SLIT1: variants seen among roughly 807,000 people sequenced by gnomAD.
SLIT1 encodes the protein slit guidance ligand 1.
A neutral mutation model predicts 186.1 loss-of-function variants in SLIT1; 66 were observed. The ratio of observed to expected loss-of-function variants is 0.35; its 90% CI spans 0.29 to 0.44. The LOEUF is 0.44. Among genes scored for constraint, SLIT1 ranks in the 20% least tolerant of loss-of-function variants. The pLI is 1.00. For synonymous variants in SLIT1, 761 were observed against 833.8 expected (o/e 0.91, Z 1.50); for missense variants, 1,638 against 2,037.4 (o/e 0.80, Z 3.77).
At chr10:97,142,718 T>C (rs1397728603) in intron 4 of SLIT1, among the ~76,000 whole-genome samples, 5 of 152,170 alleles carry the variant, frequency 3.3e-5, no homozygotes, top group African/African-American at 1.2e-4. Flanking sequence ...AAATCATATC[T>C]CTGATAAGGG....
chr10:97,119,285 C>G (rs1192598523), intron 4 of SLIT1, among the ~76,000 whole-genome samples: 1 of 152,204 alleles, frequency 6.6e-6, no homozygotes, highest in African/African-American at 2.4e-5. Flanking sequence ...GGCAGATCCC[C>G]CTTCCCCGAT....
chr10:97,056,762 G>C (rs2805595), intron 12 of SLIT1, among the ~76,000 whole-genome samples: 2 of 85,180 alleles, frequency 2.3e-5, no homozygotes, highest in East Asian at 5.0e-4. Flanking sequence ...AGGCATTTTT[G>C]GGGGGGGCTC....
At chr10:97,177,041 T>C (rs893563473) in intron 1 of SLIT1, among the ~76,000 whole-genome samples, 2 of 152,208 alleles carry the variant, frequency 1.3e-5, no homozygotes, top group African/African-American at 4.8e-5. Flanking sequence ...ATCGCCTTGC[T>C]GAAGAGCTAC....
intron 4 of SLIT1, among the ~76,000 whole-genome samples, chr10:97,132,131 A>C (rs1253220981): frequency 6.6e-6 from 1 of 152,138 alleles, no homozygotes; most frequent in Non-Finnish European, 1.5e-5. Context: ...GGGGTGTCCA[A>C]ACTCCTGCAG....
intron 1 of SLIT1, among the ~76,000 whole-genome samples, chr10:97,176,313 G>GCCACGA (rs1850255144): frequency 2.0e-5 from 3 of 152,094 alleles, no homozygotes; most frequent in South Asian, 4.2e-4. Flanking sequence ...GGAGCTCTAA[G>GCCACGA]CCACGACCAC....
At chr10:97,158,190 G>C (rs1196106452) in intron 3 of SLIT1, among the ~76,000 whole-genome samples, 1 of 152,104 alleles carries the variant, frequency 6.6e-6, no homozygotes, top group African/African-American at 2.4e-5. Flanking sequence ...ACATTTGCAA[G>C]CCCTGTGTGG....
At chr10:97,051,790 C>T (rs182774257) in intron 13 of SLIT1, among the ~76,000 whole-genome samples, 66 of 140,530 alleles carry the variant, frequency 4.7e-4, no homozygotes, top group Admixed American at 2.6e-3. Flanking sequence ...CCAGCCTGGG[C>T]GACAGAGTGA....
chr10:97,046,657 G>A lies in SLIT1; in HGVS notation c.1850C>T (p.Thr617Ile). 1.2e-6 allele frequency: 2 copies of A among 1,606,676 alleles called. No homozygotes were observed. Among genetic ancestry groups the A allele is most frequent in the Non-Finnish European group, 1.7e-6 (2 of 1,179,518 alleles). The change falls in exon 18 of 37, where the codon ACC becomes ATC. Residue 617 changes from threonine to isoleucine, a missense_variant. Physicochemically the swap from Thr to Ile is moderately conservative, Grantham distance 89 (BLOSUM62 -1). Transcript: ENST00000266058. ...CTCCCCAGCCCTGCACACTCACAGG[G>A]TCCTCAAGCCATCCAGACCCCGGAA... ...GMFRGLDGLR[T>I]LMLRNNRISC...
In SLIT1 at chr10:97,127,133, A is replaced by AG. The variant is rs386372185; in HGVS notation, c.413+30684_413+30685insC. ...GTGAAACCCCGTCTCTACTAAAAAAAAAACAAAAAAAATTAGCCGGGCATG... is the reference window on the plus strand; with the variant it reads ...GTGAAACCCCGTCTCTACTAAAAAAAGAAACAAAAAAAATTAGCCGGGCATG... On this transcript the variant is annotated intron_variant, in intron 4 of 36. Transcript: ENST00000266058. 1.1e-4 allele frequency among the ~76,000 whole-genome samples: 16 copies of AG among 151,714 alleles called. No individual in the cohort carries two copies. In the East Asian group the frequency reaches 3.1e-3, roughly 29 times the overall value.
intron 4 of SLIT1, among the ~76,000 whole-genome samples, chr10:97,096,407 A>T (rs1238170567): frequency 3.3e-5 from 5 of 149,592 alleles, no homozygotes; most frequent in African/African-American, 1.2e-4. Context: ...TGTTCCCTCA[A>T]CCCCTCCTGC....
At chr10:97,124,356 AG>A (rs34378130) in intron 4 of SLIT1, among the ~76,000 whole-genome samples, 4 of 152,158 alleles carry the variant, frequency 2.6e-5, no homozygotes, top group Non-Finnish European at 5.9e-5. Flanking sequence ...GGCCCCAGGG[AG>A]GGGGGTCTGT....
intron 4 of SLIT1, among the ~76,000 whole-genome samples, chr10:97,140,776 C>A (rs1468932471): frequency 6.6e-6 from 1 of 152,178 alleles, no homozygotes; most frequent in Non-Finnish European, 1.5e-5. Flanking sequence ...CAGGGATAAA[C>A]CTCCTGTGTC....
intron 25 of SLIT1, among the ~76,000 whole-genome samples, chr10:97,029,793 C>T (rs2134607903): frequency 6.6e-6 from 1 of 152,312 alleles, no homozygotes; most frequent in Non-Finnish European, 1.5e-5. Flanking sequence ...CCCCATGGCC[C>T]CTGCCTCCAG....
At chr10:97,134,207 C>T (rs1238390694) in intron 4 of SLIT1, among the ~76,000 whole-genome samples, 2 of 152,152 alleles carry the variant, frequency 1.3e-5, no homozygotes, top group Non-Finnish European at 2.9e-5. Context: ...CTCACCCCAT[C>T]CTGTGCCACC....
At chr10:97,149,061 C>T (rs1303822761) in intron 4 of SLIT1, among the ~76,000 whole-genome samples, 1 of 152,242 alleles carries the variant, frequency 6.6e-6, no homozygotes, top group Non-Finnish European at 1.5e-5. Flanking sequence ...CGTGGCCCTC[C>T]TTCAGGCCCC....
rs1848541533 is a variant in SLIT1, at chr10:97,025,976, T to C, written c.2583-4563A>G. Among the ~76,000 whole-genome samples, 4 of 152,152 alleles carry C rather than the reference T, an allele frequency of 2.6e-5. No homozygotes were observed. In the South Asian group the frequency reaches 8.3e-4, roughly 32 times the overall value. The stretch of plus-strand genomic sequence containing the variant: ...CAGGCACCAGTCAATGTCTGGTGAA[T>C]GAATGAATGCCTGTCTAAAAGCATG... On this transcript the variant is annotated intron_variant, in intron 25 of 36. Coordinates refer to ENST00000266058, the MANE Select transcript of SLIT1 (RefSeq NM_003061.3).
chr10:97,123,789 GAAA>G (rs5787219), intron 4 of SLIT1, among the ~76,000 whole-genome samples: 1 of 134,528 alleles, frequency 7.4e-6, no homozygotes, highest in Non-Finnish European at 1.6e-5. Context: ...GACTCTGTCT[GAAA>G]AAAAAAAAAA....
At chr10:97,015,888 A>C (rs1421958144) in intron 28 of SLIT1, among the ~76,000 whole-genome samples, 1 of 152,196 alleles carries the variant, frequency 6.6e-6, no homozygotes, top group Non-Finnish European at 1.5e-5. Context: ...CTAGCATAAA[A>C]ATATATTTGG....
intron 4 of SLIT1, among the ~76,000 whole-genome samples, chr10:97,135,344 C>G (rs569995107): frequency 4.6e-5 from 7 of 152,292 alleles, no homozygotes; most frequent in Non-Finnish European, 1.0e-4. Context: ...CCATCAGCGT[C>G]GCACTGAAAG....
Sources: allele counts gnomAD v4.1 joint callset (sites outside exome capture counted in the v4.1 genomes callset), GRCh38; gene constraint gnomAD v4.1.1; transcripts MANE v1.5; gene names NCBI Gene and HGNC (gene_info 2026-07-23, HGNC 2026-07-21).